The following FSTL5 variants were observed in gnomAD, a reference collection of about 807,000 sequenced individuals.
The protein encoded by FSTL5 is follistatin like 5.
In FSTL5, 62 loss-of-function variants were observed where a neutral mutation model predicts 89.1. The ratio of observed to expected loss-of-function variants is 0.70; its 90% CI spans 0.57 to 0.86. The LOEUF (loss-of-function observed/expected upper bound fraction) is 0.86. FSTL5 is among the 40% of genes least tolerant of loss of function. The probability of loss-of-function intolerance (pLI) is 0.00; values close to 1 mark genes in which losing one functional copy is unlikely to be tolerated. For missense variants in FSTL5, 1,057 were observed against 1,001.6 expected, an observed-to-expected ratio of 1.06 and a Z score of -0.75; for synonymous variants, 383 against 346.2, an observed-to-expected ratio of 1.11 and a Z score of -1.18.
intron 7 of FSTL5, among the ~76,000 whole-genome samples, chr4:161,632,792 A>G (rs1210043105): frequency 6.6e-6 from 1 of 152,222 alleles, no homozygotes; most frequent in Non-Finnish European, 1.5e-5. Context: ...ATTTTCATTA[A>G]TAAAATATTC....
At chr4:161,628,385 A>C (rs1360357110) in intron 7 of FSTL5, among the ~76,000 whole-genome samples, 1 of 152,178 alleles carries the variant, frequency 6.6e-6, no homozygotes, top group African/African-American at 2.4e-5. Flanking sequence ...ATTAGTCTAA[A>C]GGTCTTAGAT....
At chr4:161,991,904 C>T (rs944215576) in intron 3 of FSTL5, among the ~76,000 whole-genome samples, 2 of 152,108 alleles carry the variant, frequency 1.3e-5, no homozygotes, top group African/African-American at 4.8e-5. Flanking sequence ...CCTTTCAGAA[C>T]GGATATGAAG....
intron 9 of FSTL5, among the ~76,000 whole-genome samples, chr4:161,542,318 A>G (rs1471036359): frequency 4.6e-5 from 7 of 152,096 alleles, no homozygotes; most frequent in Non-Finnish European, 1.5e-5. Context: ...TAATGACATA[A>G]TTAATCATTA....
intron 4 of FSTL5, among the ~76,000 whole-genome samples, chr4:161,897,103 A>T (rs1249072398): frequency 3.3e-5 from 5 of 151,980 alleles, no homozygotes; most frequent in Non-Finnish European, 4.4e-5. Context: ...ACAAAATAAA[A>T]AATATATAAT....
intron 10 of FSTL5, among the ~76,000 whole-genome samples, chr4:161,522,673 G>A (rs1731080591): frequency 6.6e-6 from 1 of 151,410 alleles, no homozygotes; most frequent in South Asian, 2.1e-4. Flanking sequence ...TAGATATTAT[G>A]TTCTTGGAGA....
At chr4:162,100,550 G>A (rs182574202) in intron 2 of FSTL5, among the ~76,000 whole-genome samples, 5 of 152,228 alleles carry the variant, frequency 3.3e-5, no homozygotes, top group Admixed American at 6.5e-5. Context: ...CAGATATTTA[G>A]GGCGATGAAA....
intron 4 of FSTL5, among the ~76,000 whole-genome samples, chr4:161,830,967 T>C (rs975908110): frequency 1.3e-5 from 2 of 151,966 alleles, no homozygotes; most frequent in African/African-American, 4.8e-5. Flanking sequence ...TAGTGATATT[T>C]AGCTATGATA....
chr4:161,657,575 T>G (rs1474878066), intron 6 of FSTL5, among the ~76,000 whole-genome samples: 1 of 152,188 alleles, frequency 6.6e-6, no homozygotes, highest in Non-Finnish European at 1.5e-5. Flanking sequence ...GGCTGCATTC[T>G]TCTTGAGAAA....
At chr4:161,655,925 T>G (rs564573224) in intron 7 of FSTL5, among the ~76,000 whole-genome samples, 13 of 152,184 alleles carry the variant, frequency 8.5e-5, no homozygotes, top group Non-Finnish European at 1.2e-4. Flanking sequence ...GATGGCATTT[T>G]AATTTTTCCT....
chr4:161,862,013 A>G (rs1579150173), intron 4 of FSTL5, among the ~76,000 whole-genome samples: 1 of 152,214 alleles, frequency 6.6e-6, no homozygotes, highest in Admixed American at 6.5e-5. Flanking sequence ...AGAAACTGTA[A>G]TATTGAGATC....
At chr4:162,069,331 A>C (rs1193728147) in intron 2 of FSTL5, among the ~76,000 whole-genome samples, 1 of 152,038 alleles carries the variant, frequency 6.6e-6, no homozygotes, top group East Asian at 1.9e-4. Flanking sequence ...AACATGTAAT[A>C]ACCTAATCAA....
At chr4:162,095,296 T>A (rs1339250903) in intron 2 of FSTL5, among the ~76,000 whole-genome samples, 1 of 152,090 alleles carries the variant, frequency 6.6e-6, no homozygotes, top group African/African-American at 2.4e-5. Context: ...TATAAGAAGG[T>A]GTTCAAAAAT....
chr4:161,468,892 A>G (rs1733837736), intron 13 of FSTL5, among the ~76,000 whole-genome samples: 1 of 151,748 alleles, frequency 6.6e-6, no homozygotes, highest in South Asian at 2.1e-4. Flanking sequence ...TATCTATTTC[A>G]TTAGTATTTT....
rs761624932 is a variant in FSTL5, at chr4:162,023,155, C to T, written c.160+10470G>A. 2.6e-5 allele frequency among the ~76,000 whole-genome samples: 4 copies of T among 152,180 alleles called. No homozygotes were observed. In the East Asian group the frequency reaches 5.8e-4, roughly 22 times the overall value. The stretch of plus-strand genomic sequence containing the variant: ...CTACCTGATCTTTTTAGGTGATTTT[C>T]GTTACTTTCCGGAAAACAGGGACTA... On this transcript the variant is annotated intron_variant, in intron 3 of 15. Coordinates refer to ENST00000306100, the MANE Select transcript of FSTL5 (RefSeq NM_020116.5).
intron 7 of FSTL5, among the ~76,000 whole-genome samples, chr4:161,640,485 AAAAAATTCTGGAGCTG>A (rs1297037482): frequency 6.6e-6 from 1 of 152,208 alleles, no homozygotes; most frequent in African/African-American, 2.4e-5. Context: ...AGAAACCAGA[AAAAAATTCTGGAGCTG>A]AAAATATAGC....
intron 7 of FSTL5, among the ~76,000 whole-genome samples, chr4:161,644,805 C>T (rs1736090263): frequency 6.6e-6 from 1 of 152,014 alleles, no homozygotes; most frequent in South Asian, 2.1e-4. Flanking sequence ...GGAGAAGTCT[C>T]CATAGGCAAG....
At chr4:161,728,202 C>T (rs897663835) in intron 6 of FSTL5, among the ~76,000 whole-genome samples, 1 of 152,088 alleles carries the variant, frequency 6.6e-6, no homozygotes, top group East Asian at 1.9e-4. Flanking sequence ...TATAAAATAT[C>T]TCTGGGTTAG....
At chr4:162,070,064 T>C (rs1405976806) in intron 2 of FSTL5, among the ~76,000 whole-genome samples, 1 of 151,898 alleles carries the variant, frequency 6.6e-6, no homozygotes, top group Non-Finnish European at 1.5e-5. Flanking sequence ...TTTTTTATAA[T>C]AGCCATTCTG....
At chr4:161,922,856 G>C (rs905575649) in intron 3 of FSTL5, among the ~76,000 whole-genome samples, 1 of 151,828 alleles carries the variant, frequency 6.6e-6, no homozygotes, top group Non-Finnish European at 1.5e-5. Context: ...ATATGGTACT[G>C]GGCAAGTTTT....
Sources: gnomAD v4.1 joint callset for allele counts (sites outside exome capture counted in the v4.1 genomes callset) on GRCh38, gnomAD v4.1.1 for gene constraint, MANE v1.5 for transcripts, NCBI Gene and HGNC (gene_info 2026-07-23, HGNC 2026-07-21) for gene names.